The following PHF24 variants were observed in gnomAD, a reference collection of about 807,000 sequenced individuals.
PHF24 encodes PHD finger protein 24.
In PHF24, 25 loss-of-function variants were observed where a neutral mutation model predicts 42.6. That is an observed-to-expected ratio of 0.59 (90% CI 0.43 to 0.82). The LOEUF is 0.82. PHF24 is among the 40% of genes least tolerant of loss of function. The pLI, the probability that PHF24 is intolerant of heterozygous loss-of-function variation, is 0.00. For missense variants in PHF24, 470 were observed against 538.1 expected (o/e 0.87, Z 1.25); for synonymous variants, 185 against 204.8 (o/e 0.90, Z 0.83).
At chr9:34,878,984 A>G in the PHF24 span, among the ~76,000 whole-genome samples, 1 of 152,164 alleles carries the variant, frequency 6.6e-6, no homozygotes, top group Non-Finnish European at 1.5e-5. Context: ...CACCTCATAC[A>G]GCCAGGTGCC....
At chr9:34,800,821 A>G in the PHF24 span, among the ~76,000 whole-genome samples, 3 of 152,240 alleles carry the variant, frequency 2.0e-5, no homozygotes, top group African/African-American at 4.8e-5. Flanking sequence ...GACAAATGGG[A>G]TCTAATTACA....
the PHF24 span, among the ~76,000 whole-genome samples, chr9:34,789,195 A>G: frequency 6.6e-6 from 1 of 152,170 alleles, no homozygotes; most frequent in South Asian, 2.1e-4. Context: ...AGAGGTGGGA[A>G]CTTCAAACTC....
At chr9:34,940,505 A>C in the PHF24 span, among the ~76,000 whole-genome samples, 1 of 152,176 alleles carries the variant, frequency 6.6e-6, no homozygotes, top group South Asian at 2.1e-4. Flanking sequence ...TAATCCCAAT[A>C]CTTAGGGAGA....
the PHF24 span, among the ~76,000 whole-genome samples, chr9:34,700,944 G>A: frequency 1.3e-5 from 2 of 152,186 alleles, no homozygotes; most frequent in African/African-American, 4.8e-5. Flanking sequence ...TAATCCAATG[G>A]GGGTGGGGGA....
chr9:34,888,429 C>T, the PHF24 span, among the ~76,000 whole-genome samples: 1 of 152,030 alleles, frequency 6.6e-6, no homozygotes, highest in African/African-American at 2.4e-5. Flanking sequence ...TTATTGTGAC[C>T]CTTTTAGGGA....
the PHF24 span, among the ~76,000 whole-genome samples, chr9:34,934,013 T>C: frequency 2.0e-5 from 3 of 152,026 alleles, no homozygotes; most frequent in African/African-American, 4.8e-5. Context: ...AGATTATTAC[T>C]GTTATTAGGT....
chr9:34,709,767 GTCCACT>G, the PHF24 span: 17 of 1,613,854 alleles, frequency 1.1e-5, no homozygotes, highest in Non-Finnish European at 1.4e-5. Flanking sequence ...ACCCCTTTGT[GTCCACT>G]CACAGGATAG....
At chr9:34,979,348 A>T (rs1159275533) in exon 8 of PHF24, 1 of 152,202 alleles carries the variant, frequency 6.6e-6, no homozygotes, top group Non-Finnish European at 1.5e-5. Context: ...CCAGCAGGCT[A>T]GGGCTTGGGC....
At chr9:34,682,805 G>A in the PHF24 span, among the ~76,000 whole-genome samples, 1 of 152,052 alleles carries the variant, frequency 6.6e-6, no homozygotes, top group African/African-American at 2.4e-5. Context: ...TGAAGGAGTG[G>A]GGTTATTAGA....
chr9:34,933,906 G>A, the PHF24 span, among the ~76,000 whole-genome samples: 5 of 151,462 alleles, frequency 3.3e-5, no homozygotes, highest in African/African-American at 9.7e-5. Flanking sequence ...CACCACACCT[G>A]GCTAATTTTT....
the PHF24 span, among the ~76,000 whole-genome samples, chr9:34,931,489 A>C: frequency 6.6e-6 from 1 of 151,938 alleles, no homozygotes; most frequent in African/African-American, 2.4e-5. Context: ...TGCTCAGGTG[A>C]TGGGTGCACC....
At chr9:34,735,133 C>CTTT in the PHF24 span, among the ~76,000 whole-genome samples, 3 of 112,486 alleles carry the variant, frequency 2.7e-5, no homozygotes, top group African/African-American at 6.4e-5. Context: ...TTTCTTTTTT[C>CTTT]TTTTTTTTTT....
At chr9:34,938,695 C>T in the PHF24 span, among the ~76,000 whole-genome samples, 2 of 151,560 alleles carry the variant, frequency 1.3e-5, no homozygotes, top group Non-Finnish European at 2.9e-5. Context: ...TTTGGGAGGC[C>T]GAGGCCGGCG....
the PHF24 span, chr9:34,836,942 C>T: frequency 2.9e-4 from 96 of 334,374 alleles, 1 homozygote; most frequent in Non-Finnish European, 5.1e-4. Flanking sequence ...ACTAGTGAAC[C>T]AGCCTCCACT....
intron 1 of PHF24, among the ~76,000 whole-genome samples, chr9:34,968,111 C>T (rs562111389): frequency 3.5e-4 from 53 of 152,254 alleles, no homozygotes; most frequent in African/African-American, 1.2e-3. Context: ...ATAACATGAG[C>T]ATTTTTGTAA....
chr9:34,817,445 A>T, the PHF24 span, among the ~76,000 whole-genome samples: 46,153 of 151,950 alleles, frequency 0.3, 7,828 homozygotes, highest in East Asian at 0.56. Flanking sequence ...GGGTCTCACT[A>T]TGTTGCCCAG....
At chr9:34,903,669 C>T in the PHF24 span, among the ~76,000 whole-genome samples, 5 of 152,240 alleles carry the variant, frequency 3.3e-5, no homozygotes, top group East Asian at 9.6e-4. Flanking sequence ...ACACCTAGTT[C>T]TTCTCATCAG....
the PHF24 span, among the ~76,000 whole-genome samples, chr9:34,692,401 A>G: frequency 2.6e-5 from 4 of 152,154 alleles, no homozygotes; most frequent in African/African-American, 4.8e-5. Context: ...TTTTACACAT[A>G]AGGAACATGA....
chr9:34,891,124 G>GGTC, the PHF24 span, among the ~76,000 whole-genome samples: 1 of 152,182 alleles, frequency 6.6e-6, no homozygotes, highest in Non-Finnish European at 1.5e-5. Flanking sequence ...CCTGGGACAG[G>GGTC]GTCTGGGCAG....
Sources: allele counts gnomAD v4.1 joint callset (sites outside exome capture counted in the v4.1 genomes callset), GRCh38; gene constraint gnomAD v4.1.1; transcripts MANE v1.5; gene names NCBI Gene and HGNC (gene_info 2026-07-23, HGNC 2026-07-21).